The following TET1 variants were observed in gnomAD, a reference collection of about 807,000 sequenced individuals.
The protein encoded by TET1 is tet methylcytosine dioxygenase 1.
A neutral mutation model predicts 148.7 loss-of-function variants in TET1; 13 were observed. The observed-to-expected ratio is 0.09, with a 90% CI of 0.06 to 0.14. The LOEUF is 0.14. Ranked by LOEUF, TET1 falls within the 10% of genes least tolerant of loss-of-function variation. TET1 has a pLI of 1.00. For missense variants in TET1, 2,182 were observed against 2,553.8 expected (o/e 0.85, Z 3.14); for synonymous variants, 907 against 937.2 (o/e 0.97, Z 0.59).
chr10:68,693,159 C>T lies in TET1; in HGVS notation c.*1345C>T, dbSNP rs775491968. On this transcript the variant is annotated 3_prime_UTR_variant, in exon 12 of 12. Coordinates refer to ENST00000373644, the MANE Select transcript of TET1 (RefSeq NM_030625.3). ...ATGTTCTAGGTAACAGGAAAACAGGCATTAAGTTTATTTTAGTCTTCCCAT... is the reference window on the plus strand; with the variant it reads ...ATGTTCTAGGTAACAGGAAAACAGGTATTAAGTTTATTTTAGTCTTCCCAT... 1.0e-4 allele frequency: 24 copies of T among 231,160 alleles called. No homozygotes were observed. The highest frequency in any genetic ancestry group is 1.8e-4 in the Non-Finnish European group (21 of 117,354). 14.3% of individuals were successfully genotyped at this position (231,160 alleles called of 1,614,324 possible). A position where few individuals can be genotyped will look rare whatever the true frequency, so the allele number is the denominator to read the frequency against.
chr10:68,589,073 T>C (rs1038294677), intron 2 of TET1, among the ~76,000 whole-genome samples: 5 of 151,914 alleles, frequency 3.3e-5, no homozygotes, highest in African/African-American at 1.2e-4. Context: ...CAGTGAGCTA[T>C]GATTGCACCA....
chr10:68,687,869 C>T (rs1214906139), intron 11 of TET1, among the ~76,000 whole-genome samples: 2 of 152,176 alleles, frequency 1.3e-5, no homozygotes, highest in African/African-American at 4.8e-5. Flanking sequence ...AGCCATCACA[C>T]CTGGCTTGAT....
chr10:68,667,092 G>C lies in TET1; in HGVS notation c.4509G>C (p.Arg1503=), dbSNP rs147704664. 6.8e-4 allele frequency: 1,102 copies of C among 1,614,060 alleles called. 3 individuals are homozygous for C. In the African/African-American group the frequency reaches 0.012, roughly 17 times the overall value. ...AAGAAAAAGTTCTTTGTTTGGTCCG[G>C]CAGCGTACAGGCCACCACTGTCCAA... The part of the protein sequence containing the change: ...SDEEKVLCLV[R]QRTGHHCPTA... Residue 1503 remains arginine (R), a synonymous_variant, in exon 7 of 12, where the codon CGG becomes CGC. Coordinates refer to ENST00000373644, the MANE Select transcript of TET1 (RefSeq NM_030625.3).
At chr10:68,560,959 G>C (rs1374120215) in intron 1 of TET1, among the ~76,000 whole-genome samples, 2 of 152,200 alleles carry the variant, frequency 1.3e-5, no homozygotes, top group East Asian at 3.8e-4. Context: ...GATAAACAAT[G>C]CCCCCGGCCG....
In TET1 at chr10:68,691,728, G is replaced by T; in HGVS notation, c.6325G>T (p.Ala2109Ser). 1 of 1,614,100 alleles carries T rather than the reference G, an allele frequency of 6.2e-7. No homozygotes were observed. The highest frequency in any genetic ancestry group is 1.1e-5 in the South Asian group (1 of 91,078). The change falls in exon 12 of 12, where the codon GCA (alanine) becomes TCA (serine). Residue 2109 changes from alanine to serine, a missense_variant. Ala to Ser is a moderately conservative substitution (Grantham distance 99, BLOSUM62 1). Coordinates refer to ENST00000373644, the MANE Select transcript of TET1 (RefSeq NM_030625.3). This position sits in a 1 kb window ranked among gnomAD's most constrained non-coding sequence, Gnocchi z 4.4. ...NELNQIPSHK[A>S]LTLTHDNVVT... ...ATTGAACCAAATTCCTTCTCATAAAGCATTAACATTAACCCATGACAATGT... is the reference window on the plus strand; with the variant it reads ...ATTGAACCAAATTCCTTCTCATAAATCATTAACATTAACCCATGACAATGT...
intron 6 of TET1, among the ~76,000 whole-genome samples, chr10:68,660,853 G>A (rs1487152397): frequency 6.6e-6 from 1 of 151,348 alleles, no homozygotes; most frequent in Non-Finnish European, 1.5e-5. Flanking sequence ...TAGTAGACAT[G>A]GGGTTTCACC....
At chr10:68,611,184 G>C (rs773525248) in intron 3 of TET1, among the ~76,000 whole-genome samples, 31 of 152,054 alleles carry the variant, frequency 2.0e-4, no homozygotes, top group African/African-American at 7.2e-4. Flanking sequence ...CCAGCTACTC[G>C]GGAGGCTGAG....
intron 2 of TET1, among the ~76,000 whole-genome samples, chr10:68,582,585 T>C (rs190976595): frequency 1.4e-4 from 21 of 152,338 alleles, no homozygotes; most frequent in African/African-American, 4.6e-4. Flanking sequence ...GTGCAGGCCT[T>C]TCCATGTGAT....
chr10:68,645,184 A>G lies in TET1; in HGVS notation c.2455A>G (p.Arg819Gly), dbSNP rs756497377. The part of the protein sequence containing the change: ...TDMSCDHLKG[R>G]SNVLVFQQPG... Reference sequence around the variant, plus strand: ...TATGAGTTGTGATCATCTCAAGGGGAGAAGTAACGTTTTAGTATTCCAGCA... The same window carrying G: ...TATGAGTTGTGATCATCTCAAGGGGGGAAGTAACGTTTTAGTATTCCAGCA... The change falls in exon 4 of 12, where the codon AGA becomes GGA. Residue 819 changes from arginine to glycine, a missense_variant. Arg to Gly is a moderately radical substitution (Grantham distance 125). This residue lies in a region of TET1 where 226 missense variants were observed against 307.4 expected (regional missense o/e 0.74). Coordinates refer to ENST00000373644, the MANE Select transcript of TET1 (RefSeq NM_030625.3). 2 of 1,614,148 alleles carry G rather than the reference A, an allele frequency of 1.2e-6. No individual in the cohort carries two copies. The highest frequency in any genetic ancestry group is 2.2e-5 in the South Asian group (2 of 91,082).
intron 3 of TET1, among the ~76,000 whole-genome samples, chr10:68,623,479 A>C (rs1183928713): frequency 6.6e-6 from 1 of 152,192 alleles, no homozygotes; most frequent in East Asian, 1.9e-4. Flanking sequence ...AAGGTTGAGG[A>C]ATCACTTAAT....
chr10:68,667,060 A>C lies in TET1; in HGVS notation c.4477A>C (p.Ser1493Arg). 1 of 1,613,816 alleles carries C rather than the reference A, an allele frequency of 6.2e-7. No individual in the cohort carries two copies. Among genetic ancestry groups the C allele is most frequent in the South Asian group, 1.1e-5 (1 of 91,000 alleles). ...GTTTTTTCAGGTTTTAAGAAGAAGC[A>C]GTGATGAAGAAAAAGTTCTTTGTTT... ...PIAKWVLRRS[S>R]DEEKVLCLVR... The change falls in exon 7 of 12, where the codon AGT becomes CGT. Residue 1493 changes from serine to arginine, a missense_variant. By Grantham distance (110) the Ser-to-Arg change is moderately radical. Transcript: ENST00000373644.
rs1564504101 is a variant in TET1 at position 68,672,510 on chromosome 10, A to AAC, written c.4674-382_4674-381dup. ...CTCAAAAAAAAAAAAAAAAAAAAAAAACACCAAAAAAAAAAAAAAGAAAAA... is the reference window on the plus strand; with the variant it reads ...CTCAAAAAAAAAAAAAAAAAAAAAAAACACACCAAAAAAAAAAAAAAGAAAAA... On this transcript the variant is annotated intron_variant, in intron 7 of 11. Transcript: ENST00000373644. Among the ~76,000 whole-genome samples, 90 of 144,552 alleles carry AAC rather than the reference A, an allele frequency of 6.2e-4. 2 individuals carry two copies. Among genetic ancestry groups the AAC allele is most frequent in the African/African-American group, 2.0e-3 (77 of 38,028 alleles). The allele number at this position is 144,552 out of a possible 152,430, so 94.8% of individuals were successfully genotyped here.
intron 11 of TET1, among the ~76,000 whole-genome samples, chr10:68,687,461 G>A (rs903855548): frequency 6.6e-6 from 1 of 152,040 alleles, no homozygotes; most frequent in African/African-American, 2.4e-5. Context: ...ATGACTTTCG[G>A]GATGCCTTCC....
intron 7 of TET1, among the ~76,000 whole-genome samples, chr10:68,671,612 A>T (rs551546920): frequency 6.6e-6 from 1 of 152,296 alleles, no homozygotes; most frequent in South Asian, 2.1e-4. Context: ...CAAGAAGAAT[A>T]TATGGTACTT....
chr10:68,644,041 A>T (rs776163042), intron 3 of TET1, among the ~76,000 whole-genome samples: 2 of 150,204 alleles, frequency 1.3e-5, no homozygotes, highest in Non-Finnish European at 3.0e-5. Context: ...AGTAGCTGGG[A>T]TTACAGGTGT....
At chr10:68,602,338 T>C (rs2054067668) in intron 3 of TET1, among the ~76,000 whole-genome samples, 1 of 152,218 alleles carries the variant, frequency 6.6e-6, no homozygotes, top group Non-Finnish European at 1.5e-5. Flanking sequence ...AGATAGAAGT[T>C]TATCATTAAA....
chr10:68,561,451 G>T (rs2053552009), intron 1 of TET1, among the ~76,000 whole-genome samples: 1 of 152,180 alleles, frequency 6.6e-6, no homozygotes, highest in Admixed American at 6.5e-5. Flanking sequence ...TGTCAAAATG[G>T]CATTTAAGAA....
chr10:68,683,663 T>C (rs1022550986), intron 10 of TET1, among the ~76,000 whole-genome samples: 6 of 152,322 alleles, frequency 3.9e-5, no homozygotes, highest in African/African-American at 1.2e-4. Flanking sequence ...CCGCCCACCT[T>C]GGCCTCCCAA....
At chr10:68,598,132 T>C (rs756091438) in intron 2 of TET1, among the ~76,000 whole-genome samples, 10 of 152,244 alleles carry the variant, frequency 6.6e-5, no homozygotes, top group Non-Finnish European at 1.3e-4. Flanking sequence ...CTCACTCCTG[T>C]AATCCCAGCA....
Sources: gnomAD v4.1 joint callset for allele counts (sites outside exome capture counted in the v4.1 genomes callset) on GRCh38, gnomAD v4.1.1 for gene constraint, gnomAD v4.1.1 regional missense constraint, Gnocchi (gnomAD v3.1) non-coding constraint, MANE v1.5 for transcripts, NCBI Gene and HGNC (gene_info 2026-07-23, HGNC 2026-07-21) for gene names.